XAB2: variants seen among roughly 807,000 people sequenced by gnomAD.
XAB2 encodes the protein pre-mRNA-splicing factor SYF1.
Under a neutral mutation model 113.4 loss-of-function variants are expected in XAB2, and 57 were observed. That is an observed-to-expected ratio of 0.50 (90% CI 0.41 to 0.63). XAB2 has a LOEUF of 0.63. Ranked by LOEUF, XAB2 falls within the 20% of genes least tolerant of loss-of-function variation. The pLI, the probability that XAB2 is intolerant of heterozygous loss-of-function variation, is 0.00. For missense variants in XAB2, 1,037 were observed against 1,233.3 expected (o/e 0.84, Z 2.38); for synonymous variants, 497 against 498.8 (o/e 1.00, Z 0.05).
In XAB2 at chr19:7,619,733, A is replaced by G; in HGVS notation, c.2506+14T>C. ...CTGGTAATGCCACCGTCCCCGCCCC[A>G]GCCGGGCCCTCACCGTTGGGCTCCA... On this transcript the variant is annotated intron_variant, in intron 18 of 18. Transcript: ENST00000358368. The G allele has an allele frequency of 1.2e-6, 2 of 1,613,266 alleles. No individual in the cohort carries two copies. Among genetic ancestry groups the G allele is most frequent in the South Asian group, 2.2e-5 (2 of 91,058 alleles).
In XAB2 at chr19:7,628,131, C is replaced by G. The variant is rs772615118; in HGVS notation, c.200+19G>C. ...GTGGGGTGGGGGCTGGTGGGCAGGG[C>G]AGCTGGAGCCATTCCCACCTGCAGG... On this transcript the variant is annotated intron_variant, in intron 2 of 18. Transcript: ENST00000358368. The surrounding 1 kb of genome is among the most constrained non-coding windows in gnomAD (Gnocchi z 4.6). 3.1e-6 allele frequency: 5 copies of G among 1,605,734 alleles called. No homozygotes were observed. The African/African-American group carries it at 6.7e-5, about 21-fold the overall frequency.
In XAB2 at chr19:7,622,805, T is replaced by A. The variant is rs754293501; in HGVS notation, c.1328A>T (p.Glu443Val). 1.2e-6 allele frequency: 2 copies of A among 1,614,028 alleles called. No homozygotes were observed. Among genetic ancestry groups the A allele is most frequent in the Non-Finnish European group, 1.7e-6 (2 of 1,180,006 alleles). The change falls in exon 10 of 19, where the codon GAG (glutamate) becomes GTG (valine). Residue 443 changes from glutamate to valine, a missense_variant. By Grantham distance (121) the Glu-to-Val change is moderately radical. Transcript: ENST00000358368. ...ASVWCQCGEL[E>V]LRHENYDEAL... Reference sequence around the variant, plus strand: ...CTCATCGTAGTTCTCGTGTCGGAGCTCCAGCTCTCCGCACTGACACCACAC... The same window carrying A: ...CTCATCGTAGTTCTCGTGTCGGAGCACCAGCTCTCCGCACTGACACCACAC...
chr19:7,620,266 A>G lies in XAB2; in HGVS notation c.2266+9T>C, dbSNP rs758836094. ...TGGATCAGGAACTCAGCCAGCTGGGACGGCTCACCGGTGCCCGTGGCACTG... is the reference window on the plus strand; with the variant it reads ...TGGATCAGGAACTCAGCCAGCTGGGGCGGCTCACCGGTGCCCGTGGCACTG... On this transcript the variant is annotated intron_variant, in intron 16 of 18. Transcript: ENST00000358368. 1.2e-6 allele frequency: 2 copies of G among 1,612,722 alleles called. No individual in the cohort carries two copies. Among genetic ancestry groups the G allele is most frequent in the Admixed American group, 3.3e-5 (2 of 60,022 alleles).
intron 16 of XAB2, 82 bp downstream of exon 16, chr19:7,620,193 G>A (rs1436989350): frequency 2.1e-5 from 34 of 1,599,358 alleles, no homozygotes; most frequent in Non-Finnish European, 2.6e-5. Context: ...ATCAGGATCC[G>A]AGGCTCCCAG....
Position 7,624,195 on chromosome 19 carries a change from C to A in XAB2, c.967+106G>T. 3 of 1,549,658 alleles carry A rather than the reference C, an allele frequency of 1.9e-6. No individual in the cohort carries two copies. The highest frequency in any genetic ancestry group is 2.3e-5 in the East Asian group (1 of 44,442). On this transcript the variant is annotated intron_variant, in intron 7 of 18. Coordinates refer to ENST00000358368, the MANE Select transcript of XAB2 (RefSeq NM_020196.3). This position sits in a 1 kb window ranked among gnomAD's most constrained non-coding sequence, Gnocchi z 4.2. ...TCCACTCAGCCTCCTTCCCTGCTGG[C>A]CCCCAGCTGAGCCTCCCAGGGCTGC... is the stretch of plus-strand genomic sequence containing the variant.
rs2031155721 is a variant in XAB2, at chr19:7,627,160, G to A, written c.522+83C>T. 8.7e-6 allele frequency: 13 copies of A among 1,488,302 alleles called. No individual in the cohort carries two copies. Among genetic ancestry groups the A allele is most frequent in the African/African-American group, 2.8e-5 (2 of 72,252 alleles). 92.2% of individuals were successfully genotyped at this position (1,488,302 alleles called of 1,614,324 possible). On this transcript the variant is annotated intron_variant, in intron 4 of 18. Transcript: ENST00000358368. The surrounding 1 kb of genome is among the most constrained non-coding windows in gnomAD (Gnocchi z 4.5). ...CCTCTTCCCACATCCCGTCTGCTGG[G>A]TGACATCCTACGCGGAGCTAGTGTC...
Position 7,627,253 on chromosome 19 carries a change from C to G in XAB2, c.512G>C (p.Arg171Pro), listed in dbSNP as rs1426745892. The G allele has an allele frequency of 1.9e-6, 3 of 1,612,614 alleles. No individual in the cohort carries two copies. The highest frequency in any genetic ancestry group is 2.5e-6 in the Non-Finnish European group (3 of 1,179,980). ...LPETAVRGYR[R>P]FLKLSPESAE... ...ACCTGCTAGGCTCACCTTGAGGAAGCGCCGATAGCCTCGCACAGCTGTCTC... is the reference window on the plus strand; with the variant it reads ...ACCTGCTAGGCTCACCTTGAGGAAGGGCCGATAGCCTCGCACAGCTGTCTC... Residue 171 changes from arginine to proline, a missense_variant, in exon 4 of 19, where the codon CGC (arginine) becomes CCC (proline). Coordinates refer to ENST00000358368, the MANE Select transcript of XAB2 (RefSeq NM_020196.3). The surrounding 1 kb of genome is among the most constrained non-coding windows in gnomAD (Gnocchi z 4.5).
Position 7,625,473 on chromosome 19 carries a change from CTTTT to C in XAB2, c.822+403_822+406del, listed in dbSNP as rs397724907. Among the ~76,000 whole-genome samples, 1 of 105,320 alleles carries C rather than the reference CTTTT, an allele frequency of 9.5e-6. No homozygotes were observed. Among genetic ancestry groups the C allele is most frequent in the Non-Finnish European group, 1.9e-5 (1 of 52,424 alleles). The allele number at this position is 105,320 out of a possible 152,430, so 69.1% of individuals were successfully genotyped here. On this transcript the variant is annotated intron_variant, in intron 6 of 18. Coordinates refer to ENST00000358368, the MANE Select transcript of XAB2 (RefSeq NM_020196.3). The surrounding 1 kb of genome is among the most constrained non-coding windows in gnomAD (Gnocchi z 5.2). ...ATATGCATGTCTGTCAAAAATGGCACTTTTTTTTTTTTTTTTTTTTTTTGAGATG... is the reference window on the plus strand; with the variant it reads ...ATATGCATGTCTGTCAAAAATGGCACTTTTTTTTTTTTTTTTTTTGAGATG...
chr19:7,623,857 C>G lies in XAB2; in HGVS notation c.993G>C (p.Leu331=). ...EEDDVDLELR[L]ARFEQLISRR... ...GGCTGATGAGCTGCTCGAAGCGGGC[C>G]AGGCGCAGCTCCAGGTCCACATCAT... Residue 331 remains leucine (L), a synonymous_variant, in exon 8 of 19, where the codon CTG becomes CTC. Coordinates refer to ENST00000358368, the MANE Select transcript of XAB2 (RefSeq NM_020196.3). This position sits in a 1 kb window ranked among gnomAD's most constrained non-coding sequence, Gnocchi z 4.6. 1 of 1,599,796 alleles carries G rather than the reference C, an allele frequency of 6.3e-7. No individual in the cohort carries two copies. Among genetic ancestry groups the G allele is most frequent in the Non-Finnish European group, 8.5e-7 (1 of 1,175,210 alleles).
In XAB2 at chr19:7,626,227, G is replaced by A. The variant is rs1267532005; in HGVS notation, c.566C>T (p.Ser189Leu). The stretch of plus-strand genomic sequence containing the variant: ...GGCGGCCTCATCCAGCCGGTCACTT[G>A]ACTTGAGGTACTCAATGTACTCCTC... ...SAEEYIEYLK[S>L]SDRLDEAAQR... is the part of the protein sequence containing the mutation. Residue 189 changes from serine to leucine, a missense_variant, in exon 5 of 19, where the codon TCA becomes TTA. Ser to Leu is a moderately radical substitution (Grantham distance 145). Transcript: ENST00000358368. 6.2e-7 allele frequency: 1 copy of A among 1,613,460 alleles called. No individual in the cohort carries two copies. The highest frequency in any genetic ancestry group is 8.5e-7 in the Non-Finnish European group (1 of 1,180,030).
chr19:7,622,726 T>C, intron 10 of XAB2, 36 bp downstream of exon 10: 1 of 1,613,144 alleles, frequency 6.2e-7, no homozygotes, highest in Non-Finnish European at 8.5e-7. Context: ...CCCTACAACC[T>C]GCAGCCCCCA....
Position 7,625,172 on chromosome 19 carries a change from T to G in XAB2, c.822+708A>C, listed in dbSNP as rs1409430659. On this transcript the variant is annotated intron_variant, in intron 6 of 18. Coordinates refer to ENST00000358368, the MANE Select transcript of XAB2 (RefSeq NM_020196.3). The surrounding 1 kb of genome is among the most constrained non-coding windows in gnomAD (Gnocchi z 5.2). ...CCAGGCCATCCCCTGAGCTTGCCACTCCACTGCCTGCCAAGAGCCACAGTC... is the reference window on the plus strand; with the variant it reads ...CCAGGCCATCCCCTGAGCTTGCCACGCCACTGCCTGCCAAGAGCCACAGTC... Among the ~76,000 whole-genome samples the G allele has an allele frequency of 1.3e-5, 2 of 152,178 alleles. No homozygotes were observed. The highest frequency in any genetic ancestry group is 2.9e-5 in the Non-Finnish European group (2 of 67,996).
At chr19:7,622,693 T>C (rs771102539) in intron 10 of XAB2, 32 bp from the exon 11 acceptor site, 2 of 1,612,234 alleles carry the variant, frequency 1.2e-6, no homozygotes, top group Non-Finnish European at 8.5e-7. Context: ...GGGGAGGCGC[T>C]CAGGGGCTGT....
In XAB2 at chr19:7,626,379, G is replaced by A; in HGVS notation, c.523-109C>T. On this transcript the variant is annotated intron_variant, in intron 4 of 18. Coordinates refer to ENST00000358368, the MANE Select transcript of XAB2 (RefSeq NM_020196.3). ...CCCCCACCCATTTATGAGTGTCTTG[G>A]GCAAAAGCAAGCCCTGTCAAACCAG... is the stretch of plus-strand genomic sequence containing the variant. 11 of 1,486,764 alleles carry A rather than the reference G, an allele frequency of 7.4e-6. No individual in the cohort carries two copies. The South Asian group carries it at 1.4e-4, about 18-fold the overall frequency. 92.1% of individuals were successfully genotyped at this position (1,486,764 alleles called of 1,614,324 possible).
chr19:7,623,044 A>ACCCAAAT lies in XAB2; in HGVS notation c.1239+119_1239+125dup. The ACCCAAAT allele has an allele frequency of 6.5e-7, 1 of 1,541,684 alleles. No individual in the cohort carries two copies. Among genetic ancestry groups the ACCCAAAT allele is most frequent in the South Asian group, 1.2e-5 (1 of 82,740 alleles). On this transcript the variant is annotated intron_variant, in intron 9 of 18. Transcript: ENST00000358368. This position sits in a 1 kb window ranked among gnomAD's most constrained non-coding sequence, Gnocchi z 4.6. ...CACACATGCGTGCACATATGCATGC[A>ACCCAAAT]CCCAAATGCACATGCACACACACGT...
Position 7,619,604 on chromosome 19 carries a change from C to T in XAB2, c.2550G>A (p.Gly850=), listed in dbSNP as rs772010020. The change falls in exon 19 of 19, where the codon GGG becomes GGA. Residue 850 remains glycine, a synonymous_variant. Transcript: ENST00000358368. The part of the protein sequence containing the change: ...EQQSVPAAVF[G]SLKED ...GGACGGGTCAGTCTTCCTTCAGGCT[C>T]CCAAACACTGCGGCTGGCACGCTCT... 7 of 1,600,796 alleles carry T rather than the reference C, an allele frequency of 4.4e-6. No homozygotes were observed. Among genetic ancestry groups the T allele is most frequent in the Non-Finnish European group, 5.1e-6 (6 of 1,173,530 alleles).
intron 1 of XAB2, 34 bp downstream of exon 1, chr19:7,629,443 A>G (rs755965992): frequency 1.9e-6 from 3 of 1,574,732 alleles, no homozygotes; most frequent in Admixed American, 1.9e-5. Flanking sequence ...CAATGCCCCA[A>G]CGCAGGCCAC....
chr19:7,624,580 G>T lies in XAB2; in HGVS notation c.823-135C>A. 1.5e-6 allele frequency: 2 copies of T among 1,332,184 alleles called. No homozygotes were observed. The highest frequency in any genetic ancestry group is 2.1e-6 in the Non-Finnish European group (2 of 972,666). The allele number at this position is 1,332,184 out of a possible 1,614,324, so 82.5% of individuals were successfully genotyped here. On this transcript the variant is annotated intron_variant, in intron 6 of 18. Transcript: ENST00000358368. The surrounding 1 kb of genome is among the most constrained non-coding windows in gnomAD (Gnocchi z 4.2). ...GACGCATCCAGCACCTCTGGGTAGT[G>T]ACCCCAGGACAGAGCCTCCGTGGAG...
intron 4 of XAB2, 58 bp from the exon 5 acceptor site, chr19:7,626,328 C>A (rs2031140521): frequency 6.3e-7 from 1 of 1,581,596 alleles, no homozygotes; most frequent in Non-Finnish European, 8.6e-7. Context: ...CGCCCACCTC[C>A]CGATTCAGTG....
Sources: allele counts gnomAD v4.1 joint callset (sites outside exome capture counted in the v4.1 genomes callset), GRCh38; gene constraint gnomAD v4.1.1; non-coding constraint Gnocchi (gnomAD v3.1); transcripts MANE v1.5; gene names NCBI Gene and HGNC (gene_info 2026-07-23, HGNC 2026-07-21).